The following ZNF517 variants were observed in gnomAD, a reference collection of about 807,000 sequenced individuals.
The protein encoded by ZNF517 is zinc finger protein 517.
In ZNF517, 12 loss-of-function variants were observed where a neutral mutation model predicts 12.1. That is an observed-to-expected ratio of 0.99 (90% CI 0.63 to 1.61). ZNF517 has a LOEUF of 1.61. Ranked by LOEUF, ZNF517 falls within the 40% of genes most tolerant of loss-of-function variation. The pLI, the probability that ZNF517 is intolerant of heterozygous loss-of-function variation, is 0.00. For synonymous variants in ZNF517, 388 were observed against 310.2 expected (o/e 1.25, Z -2.63); for missense variants, 781 against 693.2 (o/e 1.13, Z -1.42).
chr8:144,803,147 A>C, intron 2 of ZNF517, 200 bp downstream of exon 2: 2 of 688,386 alleles, frequency 2.9e-6, no homozygotes, highest in South Asian at 4.1e-5. Context: ...TTTGGGCAGA[A>C]GTGGGCTTCC....
intron 1 of ZNF517, among the ~76,000 whole-genome samples, chr8:144,800,263 C>T (rs1288960311): frequency 6.6e-6 from 1 of 152,176 alleles, no homozygotes; most frequent in East Asian, 1.9e-4. Context: ...CTGTTGTCAT[C>T]ATATCACTGC....
chr8:144,812,192 C>T (rs530535520), downstream of ZNF517, among the ~76,000 whole-genome samples: 1 of 148,490 alleles, frequency 6.7e-6, no homozygotes, highest in South Asian at 2.2e-4. Context: ...GTGCAGACTG[C>T]AGAATGGAAG....
chr8:144,800,432 T>G (rs1002065373), intron 1 of ZNF517: 1 of 958,506 alleles, frequency 1.0e-6, no homozygotes, highest in African/African-American at 1.8e-5. Flanking sequence ...CAGCAGTAAC[T>G]TACCGCTCCT....
intron 1 of ZNF517, among the ~76,000 whole-genome samples, chr8:144,799,743 A>G (rs946740940): frequency 6.6e-6 from 1 of 152,144 alleles, no homozygotes; most frequent in Non-Finnish European, 1.5e-5. Flanking sequence ...GATCGAGACC[A>G]TCCTGGCTAA....
intron 1 of ZNF517, among the ~76,000 whole-genome samples, chr8:144,801,270 G>A (rs1004501330): frequency 6.6e-6 from 1 of 152,214 alleles, no homozygotes; most frequent in Non-Finnish European, 1.5e-5. Flanking sequence ...AGTGTCTGTT[G>A]AAGGGAAGAG....
At chr8:144,803,867 G>C (rs1463595059) in intron 3 of ZNF517, 100 bp downstream of exon 3, 2 of 1,504,088 alleles carry the variant, frequency 1.3e-6, no homozygotes, top group Non-Finnish European at 1.8e-6. Flanking sequence ...ACACATTTTT[G>C]AGGGGAAGCT....
Position 144,808,366 on chromosome 8 carries a change from G to C in ZNF517, c.1450G>C (p.Gly484Arg). 1.4e-6 allele frequency: 2 copies of C among 1,460,732 alleles called. No individual in the cohort carries two copies. The highest frequency in any genetic ancestry group is 1.8e-6 in the Non-Finnish European group (2 of 1,105,706). 90.5% of individuals were successfully genotyped at this position (1,460,732 alleles called of 1,614,324 possible). A position where few individuals can be genotyped will look rare whatever the true frequency, so the allele number is the denominator to read the frequency against. ...HGREPGEDTEGRRAPCWAS is the reference protein window; with the variant it reads ...HGREPGEDTERRRAPCWAS ...CCGCGAGCCCGGGGAGGACACAGAG[G>C]GCAGGCGGGCGCCCTGTTGGGCTTC... Residue 484 changes from glycine (G) to arginine (R), a missense_variant, in exon 5 of 5, where the codon GGC (glycine) becomes CGC (arginine). Coordinates refer to ENST00000359971, the MANE Select transcript of ZNF517 (RefSeq NM_213605.3).
At position 144,807,625 on chromosome 8, in the gene ZNF517, G is replaced by C; in HGVS notation, c.709G>C (p.Glu237Gln). 1 of 1,610,072 alleles carries C rather than the reference G, an allele frequency of 6.2e-7. No individual in the cohort carries two copies. Among genetic ancestry groups the C allele is most frequent in the Non-Finnish European group, 8.5e-7 (1 of 1,179,014 alleles). ...HTEEKPFQCG[E>Q]CGKAFRQSTQ... ...TGAGGAGAAGCCGTTCCAGTGCGGC[G>C]AGTGCGGGAAGGCCTTCCGGCAGAG... The change falls in exon 5 of 5, where the codon GAG becomes CAG. Residue 237 changes from glutamate (E) to glutamine (Q), a missense_variant. Glu to Gln is a conservative substitution (Grantham distance 29). Transcript: ENST00000359971.
intron 4 of ZNF517, among the ~76,000 whole-genome samples, chr8:144,804,471 C>T (rs137909636): frequency 1.1e-3 from 173 of 152,240 alleles, no homozygotes; most frequent in Non-Finnish European, 2.0e-3. Flanking sequence ...TGTCAGGGGC[C>T]GGGTCTGTGC....
chr8:144,806,228 C>T (rs1008524281), intron 4 of ZNF517, among the ~76,000 whole-genome samples: 22 of 152,166 alleles, frequency 1.4e-4, no homozygotes, highest in South Asian at 6.2e-4. Context: ...CAGAGGTCTG[C>T]GCAGGCACCT....
chr8:144,807,082 T>C (rs1194365653), intron 4 of ZNF517, 109 bp from the exon 5 acceptor site: 1 of 1,390,786 alleles, frequency 7.2e-7, no homozygotes, highest in Admixed American at 2.8e-5. Context: ...TCAGTAAAGC[T>C]GGGTGTTGGG....
chr8:144,808,452 C>G lies in ZNF517; in HGVS notation c.*57C>G. The G allele has an allele frequency of 1.4e-6, 2 of 1,425,066 alleles. No homozygotes were observed. Among genetic ancestry groups the G allele is most frequent in the Non-Finnish European group, 1.8e-6 (2 of 1,089,574 alleles). The allele number at this position is 1,425,066 out of a possible 1,614,324, so 88.3% of individuals were successfully genotyped here. A position where few individuals can be genotyped will look rare whatever the true frequency, so the allele number is the denominator to read the frequency against. On this transcript the variant is annotated 3_prime_UTR_variant, in exon 5 of 5. Transcript: ENST00000359971. ...GGAAGCCCACCCAAGCCGGCGGGGC[C>G]CTAGCGCAGAAATTCAGAACCCCCT...
At chr8:144,805,531 C>T (rs1378431438) in intron 4 of ZNF517, among the ~76,000 whole-genome samples, 2 of 151,720 alleles carry the variant, frequency 1.3e-5, no homozygotes, top group East Asian at 1.9e-4. Flanking sequence ...GAGGTTTCAC[C>T]GTGTGAGCCA....
intron 4 of ZNF517, among the ~76,000 whole-genome samples, chr8:144,806,013 A>C (rs1394286515): frequency 1.3e-5 from 2 of 151,970 alleles, no homozygotes; most frequent in Non-Finnish European, 2.9e-5. Context: ...ATCTCTTTCT[A>C]GTATAACTAT....
At chr8:144,810,518 G>A, downstream of ZNF517, 1 of 347,998 alleles carries the variant, frequency 2.9e-6, no homozygotes, top group East Asian at 4.3e-5. Context: ...AGGCTGAAGG[G>A]TTGTCCCTGA....
chr8:144,805,661 T>G (rs1209161107), intron 4 of ZNF517, among the ~76,000 whole-genome samples: 2 of 122,064 alleles, frequency 1.6e-5, no homozygotes, highest in Non-Finnish European at 3.3e-5. Flanking sequence ...AGTCTCGCAC[T>G]TTGGCCCAGG....
Position 144,807,189 on chromosome 8 carries a change from A to C in ZNF517, c.275-2A>C. On this transcript the variant is annotated splice_acceptor_variant, in intron 4 of 4. Coordinates refer to ENST00000359971, the MANE Select transcript of ZNF517 (RefSeq NM_213605.3). LOFTEE classifies it high-confidence loss of function. Reference sequence around the variant, plus strand: ...CCTTCCGTTTTCTGTTCCTTCTCTCAGATTCCAGGATGGAGGCTGGGATCA... The same window carrying C: ...CCTTCCGTTTTCTGTTCCTTCTCTCCGATTCCAGGATGGAGGCTGGGATCA... The C allele has an allele frequency of 6.6e-7, 1 of 1,517,760 alleles. No homozygotes were observed. Among genetic ancestry groups the C allele is most frequent in the South Asian group, 1.3e-5 (1 of 76,044 alleles). 94.0% of individuals were successfully genotyped at this position (1,517,760 alleles called of 1,614,324 possible).
chr8:144,807,137 C>T (rs1346728137), intron 4 of ZNF517, 54 bp from the exon 5 acceptor site: 12 of 1,500,534 alleles, frequency 8.0e-6, no homozygotes, highest in Admixed American at 4.8e-5. Context: ...ACAAGAAGTT[C>T]GTTTGTGAGT....
rs553811452 is a variant in ZNF517 at position 144,803,587 on chromosome 8, G to C, written c.34-54G>C. ...CAGATCATGCAAATGTTTCTCATCT[G>C]CTGGGTTCTCACCGAGCCCTTGACT... On this transcript the variant is annotated intron_variant, in intron 2 of 4. Transcript: ENST00000359971. 376 of 1,606,212 alleles carry C rather than the reference G, an allele frequency of 2.3e-4. 1 individual carries two copies. The highest frequency in any genetic ancestry group is 3.1e-4 in the Non-Finnish European group (360 of 1,174,926).
Sources: gnomAD v4.1 joint callset for allele counts (sites outside exome capture counted in the v4.1 genomes callset) on GRCh38, gnomAD v4.1.1 for gene constraint, MANE v1.5 for transcripts, NCBI Gene and HGNC (gene_info 2026-07-23, HGNC 2026-07-21) for gene names.